The following CARS1 variants were observed in gnomAD, a reference collection of about 807,000 sequenced individuals.
The protein encoded by CARS1 is cysteinyl-tRNA synthetase 1, also known as cysteine--tRNA ligase, cytoplasmic.
A neutral mutation model predicts 106.2 loss-of-function variants in CARS1; 48 were observed. The ratio of observed to expected loss-of-function variants is 0.45; its 90% confidence interval spans 0.36 to 0.57. The LOEUF (loss-of-function observed/expected upper bound fraction) is 0.57. Among genes scored for constraint, CARS1 ranks in the 20% least tolerant of loss-of-function variants. The pLI, the probability that CARS1 is intolerant of heterozygous loss-of-function variation, is 0.00. For synonymous variants in CARS1, 409 were observed against 403.4 expected, an observed-to-expected ratio of 1.01 and a Z score of -0.17; for missense variants, 968 against 1,057.2, an observed-to-expected ratio of 0.92 and a Z score of 1.17.
intron 1 of CARS1, among the ~76,000 whole-genome samples, chr11:3,055,817 C>T (rs1048915624): frequency 2.6e-5 from 4 of 152,240 alleles, no homozygotes; most frequent in Admixed American, 1.3e-4. Context: ...TAATTGAGTG[C>T]CAGGCACTGT....
At chr11:3,055,264 C>T (rs1856085911) in intron 1 of CARS1, among the ~76,000 whole-genome samples, 1 of 152,170 alleles carries the variant, frequency 6.6e-6, no homozygotes, top group South Asian at 2.1e-4. Context: ...GGGTTCACAT[C>T]ATTCTCCGGC....
At chr11:3,018,813 G>A (rs1851292597) in intron 12 of CARS1, 64 bp from the exon 13 acceptor site, 30 of 1,562,916 alleles carry the variant, frequency 1.9e-5, no homozygotes, top group Non-Finnish European at 2.5e-5. Flanking sequence ...CCTGCCACCT[G>A]CACTGTCTGC....
At chr11:3,054,753 G>A in intron 1 of CARS1, 1 of 640,808 alleles carries the variant, frequency 1.6e-6, no homozygotes, top group Admixed American at 2.4e-5. Flanking sequence ...AAGGGTGGCA[G>A]GAGATAACAG....
At chr11:3,032,060 CTCCTTCCTTCCTTCCTTCCT>C (rs1217924867) in intron 7 of CARS1, among the ~76,000 whole-genome samples, 252 of 20,038 alleles carry the variant, frequency 0.013, 7 homozygotes, top group African/African-American at 0.053. Context: ...CCCTCCCTCC[CTCCTTCCTTCCTTCCTTCCT>C]TCCTTCCTTC....
chr11:3,035,596 T>C (rs1031732488), intron 7 of CARS1, among the ~76,000 whole-genome samples: 2 of 152,062 alleles, frequency 1.3e-5, no homozygotes, highest in African/African-American at 4.8e-5. Context: ...GGTGATTGTC[T>C]CACCTCAGCC....
At chr11:3,001,727 A>G (rs1355250901) in intron 22 of CARS1, among the ~76,000 whole-genome samples, 1 of 152,178 alleles carries the variant, frequency 6.6e-6, no homozygotes, top group Admixed American at 6.5e-5. Context: ...TCCCAGGGCT[A>G]GGGACCAGAG....
At chr11:3,010,934 C>G (rs1850387291) in intron 18 of CARS1, among the ~76,000 whole-genome samples, 1 of 152,210 alleles carries the variant, frequency 6.6e-6, no homozygotes, top group African/African-American at 2.4e-5. Context: ...AGATGGGGAC[C>G]AGGTGGATCC....
chr11:3,025,448 G>T (rs760142857), intron 10 of CARS1, among the ~76,000 whole-genome samples: 31 of 152,142 alleles, frequency 2.0e-4, no homozygotes, highest in African/African-American at 5.8e-4. Flanking sequence ...GGCTGGTCTC[G>T]AACTCCCAAC....
In CARS1 at chr11:3,029,684, T is replaced by C; in HGVS notation, c.802-241A>G. 1 of 528,886 alleles carries C rather than the reference T, an allele frequency of 1.9e-6. No individual in the cohort carries two copies. The highest frequency in any genetic ancestry group is 3.0e-5 in the East Asian group (1 of 33,382). 32.8% of individuals were successfully genotyped at this position (528,886 alleles called of 1,614,324 possible). A position where few individuals can be genotyped will look rare whatever the true frequency, so the allele number is the denominator to read the frequency against. ...CAGAGGAGCAAAGCCAAGGGGACTG[T>C]GGGTGCAGAGGCAAAAAGAGGTGGG... On this transcript the variant is annotated intron_variant, in intron 7 of 22. Transcript: ENST00000380525. This position sits in a 1 kb window ranked among gnomAD's most constrained non-coding sequence, Gnocchi z 5.9.
At position 3,040,632 on chromosome 11, in the gene CARS1, C is replaced by A; in HGVS notation, c.455+264G>T. ...GGTATGTGAGAAAAAGTGCCCAGGT[C>A]GAGTCCAGCATGTTAGCAGTGGGGC... On this transcript the variant is annotated intron_variant, in intron 4 of 22. Transcript: ENST00000380525. The surrounding 1 kb of genome is among the most constrained non-coding windows in gnomAD (Gnocchi z 5.8). 1.5e-6 allele frequency: 1 copy of A among 647,210 alleles called. No individual in the cohort carries two copies. The highest frequency in any genetic ancestry group is 1.5e-5 in the South Asian group (1 of 66,282). The allele number at this position is 647,210 out of a possible 1,614,324, so 40.1% of individuals were successfully genotyped here. A position where few individuals can be genotyped will look rare whatever the true frequency, so the allele number is the denominator to read the frequency against.
At chr11:3,051,577 C>G (rs1196669097) in intron 1 of CARS1, among the ~76,000 whole-genome samples, 4 of 152,194 alleles carry the variant, frequency 2.6e-5, no homozygotes, top group Non-Finnish European at 5.9e-5. Flanking sequence ...CAACTTCCAG[C>G]CAGGAGACTT....
At position 3,001,072 on chromosome 11, in the gene CARS1, C is replaced by T. The variant is rs550348784; in HGVS notation, c.*42G>A. ...ACATTGTCACTGAGGCAGACAGCAG[C>T]CACTAGTCCACAATGGTTTAAAAAG... On this transcript the variant is annotated 3_prime_UTR_variant, in exon 23 of 23. Coordinates refer to ENST00000380525, the MANE Select transcript of CARS1 (RefSeq NM_001014437.3). 42 of 1,606,606 alleles carry T rather than the reference C, an allele frequency of 2.6e-5. No homozygotes were observed. In the South Asian group the frequency reaches 4.3e-4, roughly 16 times the overall value.
rs754826357 is a variant in CARS1, at chr11:3,047,886, G to C, written c.141C>G (p.Asp47Glu). 2 of 1,614,158 alleles carry C rather than the reference G, an allele frequency of 1.2e-6. No homozygotes were observed. The highest frequency in any genetic ancestry group is 1.7e-6 in the Non-Finnish European group (2 of 1,180,032). The change falls in exon 2 of 23, where the codon GAC (aspartate) becomes GAG (glutamate). Residue 47 changes from aspartate to glutamate, a missense_variant. By Grantham distance (45) the Asp-to-Glu change is conservative. Coordinates refer to ENST00000380525, the MANE Select transcript of CARS1 (RefSeq NM_001014437.3). ...YVQGYSLSQA[D>E]VDAFRQLSAP... is the part of the protein sequence containing the mutation. ...CCGAGAGCTGCCTGAACGCGTCCAC[G>C]TCTGCCTGGGACAGTGAGTACCCCT...
Position 3,029,331 on chromosome 11 carries a change from T to C in CARS1, c.914A>G (p.Asp305Gly), listed in dbSNP as rs1230321808. ...CAGAGCTTCCATGTCTCTGTGGAAGTCCCCCTCCCAGAACTTGGGCAGCTT... is the reference window on the plus strand; with the variant it reads ...CAGAGCTTCCATGTCTCTGTGGAAGCCCCCCTCCCAGAACTTGGGCAGCTT... ...FSKLPKFWEGDFHRDMEALNV... is the reference protein window; with the variant it reads ...FSKLPKFWEGGFHRDMEALNV... The change falls in exon 8 of 23, where the codon GAC becomes GGC. Residue 305 changes from aspartate (D) to glycine (G), a missense_variant. Physicochemically the swap from Asp to Gly is moderately conservative, Grantham distance 94 (BLOSUM62 -1). Transcript: ENST00000380525. The surrounding 1 kb of genome is among the most constrained non-coding windows in gnomAD (Gnocchi z 5.9). 1.9e-6 allele frequency: 3 copies of C among 1,613,634 alleles called. No individual in the cohort carries two copies. The highest frequency in any genetic ancestry group is 2.5e-6 in the Non-Finnish European group (3 of 1,179,810).
In CARS1 at chr11:3,050,549, C is replaced by G. The variant is rs1855562980; in HGVS notation, c.26-2548G>C. ...GCCACCTGTAGCCAGCATGGCTCTC[C>G]CCTCACAGCCACAGGCCTCCAGCGG... On this transcript the variant is annotated intron_variant, in intron 1 of 22. Transcript: ENST00000380525. The surrounding 1 kb of genome is among the most constrained non-coding windows in gnomAD (Gnocchi z 6.3). 6.6e-6 allele frequency among the ~76,000 whole-genome samples: 1 copy of G among 152,190 alleles called. No homozygotes were observed. Among genetic ancestry groups the G allele is most frequent in the Admixed American group, 6.5e-5 (1 of 15,284 alleles).
rs1852460214 is a variant in CARS1, at chr11:3,029,360, G to A, written c.885C>T (p.Phe295=). The A allele has an allele frequency of 5.0e-6, 8 of 1,614,056 alleles. No homozygotes were observed. The highest frequency in any genetic ancestry group is 2.7e-5 in the African/African-American group (2 of 75,044). ...CCTCCCAGAACTTGGGCAGCTTGGA[G>A]AAGATGGAATTGTCAGTGACATCAC... ...LGCDVTDNSI[F]SKLPKFWEGD... The change falls in exon 8 of 23, where the codon TTC becomes TTT. Residue 295 remains phenylalanine (F), a synonymous_variant. Coordinates refer to ENST00000380525, the MANE Select transcript of CARS1 (RefSeq NM_001014437.3). This position sits in a 1 kb window ranked among gnomAD's most constrained non-coding sequence, Gnocchi z 5.9.
At chr11:3,001,928 G>C (rs777590518) in intron 22 of CARS1, 42 bp downstream of exon 22, 1 of 1,417,186 alleles carries the variant, frequency 7.1e-7, no homozygotes. Flanking sequence ...AATGTGGTCT[G>C]ATCAAGTTCT....
Position 3,029,121 on chromosome 11 carries a change from T to C in CARS1, c.943-37A>G, listed in dbSNP as rs1471646643. The C allele has an allele frequency of 6.5e-7, 1 of 1,539,214 alleles. No individual in the cohort carries two copies. Among genetic ancestry groups the C allele is most frequent in the Non-Finnish European group, 9.0e-7 (1 of 1,112,054 alleles). ...ATGAGAATGTCCTGGGATTTTCCCT[T>C]CTGAAAACCACGCGCTCCATAAAAA... On this transcript the variant is annotated intron_variant, in intron 8 of 22. Coordinates refer to ENST00000380525, the MANE Select transcript of CARS1 (RefSeq NM_001014437.3). This position sits in a 1 kb window ranked among gnomAD's most constrained non-coding sequence, Gnocchi z 5.9.
Position 3,019,104 on chromosome 11 carries a change from C to G in CARS1, c.1395+35G>C. The stretch of plus-strand genomic sequence containing the variant: ...TCCACTGCAGTATGAACACTGTGCT[C>G]TTGCACCTGACAAGGGGACTCTGTT... On this transcript the variant is annotated intron_variant, in intron 12 of 22. Transcript: ENST00000380525. The surrounding 1 kb of genome is among the most constrained non-coding windows in gnomAD (Gnocchi z 6.2). 6.7e-7 allele frequency: 1 copy of G among 1,497,700 alleles called. No homozygotes were observed. The highest frequency in any genetic ancestry group is 8.9e-7 in the Non-Finnish European group (1 of 1,125,736). The allele number at this position is 1,497,700 out of a possible 1,614,324, so 92.8% of individuals were successfully genotyped here.
Sources: gnomAD v4.1 joint callset for allele counts (sites outside exome capture counted in the v4.1 genomes callset) on GRCh38, gnomAD v4.1.1 for gene constraint, Gnocchi (gnomAD v3.1) non-coding constraint, MANE v1.5 for transcripts, NCBI Gene and HGNC (gene_info 2026-07-23, HGNC 2026-07-21) for gene names.